The following PLAAT1 variants were observed in gnomAD, a reference collection of about 807,000 sequenced individuals.
The protein encoded by PLAAT1 is phospholipase A and acyltransferase 1, also known as H-REV107 protein-related protein.
PLAAT1 carries 13 observed loss-of-function variants against 16.4 expected under a neutral mutation model. The ratio of observed to expected loss-of-function variants is 0.79; its 90% CI spans 0.52 to 1.26. PLAAT1 has a LOEUF of 1.26. PLAAT1 is among the 50% of genes most tolerant of loss of function. The probability of loss-of-function intolerance (pLI) is 0.00; values close to 1 mark genes in which losing one functional copy is unlikely to be tolerated. For synonymous variants in PLAAT1, 73 were observed against 78.4 expected, an observed-to-expected ratio of 0.93 and a Z score of 0.36; for missense variants, 218 against 207.8, an observed-to-expected ratio of 1.05 and a Z score of -0.30.
rs1716961818 is a variant in PLAAT1, at chr3:193,270,759, C to G, written c.*54C>G. The G allele has an allele frequency of 1.3e-6, 2 of 1,588,060 alleles. No individual in the cohort carries two copies. Among genetic ancestry groups the G allele is most frequent in the Non-Finnish European group, 1.7e-6 (2 of 1,166,124 alleles). ...AGGAATTTGGGAGGAGGAAAAGAAACCTGGGGTGAATACTTATTTTCAGTG... is the reference window on the plus strand; with the variant it reads ...AGGAATTTGGGAGGAGGAAAAGAAAGCTGGGGTGAATACTTATTTTCAGTG... On this transcript the variant is annotated 3_prime_UTR_variant, in exon 4 of 4. Transcript: ENST00000264735.
intron 2 of PLAAT1, chr3:193,276,664 GTGGT>G (rs1717222685): frequency 1.1e-6 from 1 of 919,728 alleles, no homozygotes. Context: ...GGGGATCAAA[GTGGT>G]TGCTCTAGAA....
chr3:193,266,532 T>TA (rs1300730811), intron 3 of PLAAT1, among the ~76,000 whole-genome samples: 2 of 152,122 alleles, frequency 1.3e-5, no homozygotes, highest in Non-Finnish European at 2.9e-5. Context: ...GTGACAGCCT[T>TA]AAGAGTCTAC....
chr3:193,261,149 G>A (rs1577307532), intron 2 of PLAAT1, among the ~76,000 whole-genome samples: 1 of 152,128 alleles, frequency 6.6e-6, no homozygotes, highest in Non-Finnish European at 1.5e-5. Context: ...AGGCAGATCA[G>A]TTGAGGTCAG....
chr3:193,240,830 A>T (rs1002869233), upstream of PLAAT1, among the ~76,000 whole-genome samples: 2 of 152,078 alleles, frequency 1.3e-5, no homozygotes, highest in Non-Finnish European at 2.9e-5. Flanking sequence ...AGGTACCATG[A>T]TTCCTTGGGC....
intron 1 of PLAAT1, among the ~76,000 whole-genome samples, chr3:193,255,035 T>C (rs1182545339): frequency 3.9e-5 from 6 of 152,172 alleles, no homozygotes; most frequent in Non-Finnish European, 7.4e-5. Context: ...GTTTTAGTAC[T>C]CACAAAATAT....
chr3:193,278,458 C>G (rs577336795), downstream of PLAAT1, among the ~76,000 whole-genome samples: 1 of 152,162 alleles, frequency 6.6e-6, no homozygotes, highest in Non-Finnish European at 1.5e-5. Context: ...AGCACATGGC[C>G]TCAGTTTTAG....
At chr3:193,254,699 T>A (rs926835543) in intron 1 of PLAAT1, among the ~76,000 whole-genome samples, 2 of 152,194 alleles carry the variant, frequency 1.3e-5, no homozygotes, top group Non-Finnish European at 2.9e-5. Context: ...CAAGTTGTCC[T>A]GCGTCTGCTG....
Position 193,263,103 on chromosome 3 carries a change from C to T in PLAAT1, c.273C>T (p.Pro91=), listed in dbSNP as rs747246846. Residue 91 remains proline (P), a synonymous_variant, in exon 3 of 4, where the codon CCC becomes CCT. Transcript: ENST00000264735. ...RINNKYDETY[P]PLPVEEIIKR... Reference sequence around the variant, plus strand: ...ACAATAAATACGATGAAACGTACCCCCCTCTCCCTGTGGAAGAAATCATAA... The same window carrying T: ...ACAATAAATACGATGAAACGTACCCTCCTCTCCCTGTGGAAGAAATCATAA... The T allele has an allele frequency of 9.3e-6, 15 of 1,614,022 alleles. No homozygotes were observed. The South Asian group carries it at 1.6e-4, about 18-fold the overall frequency.
chr3:193,253,625 G>A (rs1437679194), intron 1 of PLAAT1, among the ~76,000 whole-genome samples: 5 of 152,090 alleles, frequency 3.3e-5, no homozygotes, highest in African/African-American at 1.2e-4. Context: ...TTTTCAACAT[G>A]AGGAAACAGA....
chr3:193,267,500 A>G (rs971135640), intron 3 of PLAAT1, among the ~76,000 whole-genome samples: 2 of 152,032 alleles, frequency 1.3e-5, no homozygotes, highest in Non-Finnish European at 2.9e-5. Flanking sequence ...ATGTAATAAT[A>G]TGTATTTAAG....
At chr3:193,242,668 ATAGT>A (rs1715817387) in intron 1 of PLAAT1, among the ~76,000 whole-genome samples, 1 of 152,066 alleles carries the variant, frequency 6.6e-6, no homozygotes, top group African/African-American at 2.4e-5. Flanking sequence ...GTGGCAGCGG[ATAGT>A]TAATTTGGCC....
chr3:193,278,010 G>A (rs1226638353), downstream of PLAAT1, among the ~76,000 whole-genome samples: 1 of 152,072 alleles, frequency 6.6e-6, no homozygotes, highest in Non-Finnish European at 1.5e-5. Context: ...TACCATGTTG[G>A]CCAGGCTGGT....
upstream of PLAAT1, chr3:193,241,190 C>T (rs1715718476): frequency 8.2e-7 from 1 of 1,219,866 alleles, no homozygotes; most frequent in Non-Finnish European, 1.0e-6. Flanking sequence ...GACTGTGCCC[C>T]GCCTCCTGGG....
chr3:193,275,035 AT>A, downstream of PLAAT1: 2 of 1,614,008 alleles, frequency 1.2e-6, no homozygotes, highest in Non-Finnish European at 1.7e-6. Context: ...TACGACGACA[AT>A]TCTGATTACA....
intron 2 of PLAAT1, among the ~76,000 whole-genome samples, chr3:193,262,342 T>C (rs1716613900): frequency 3.2e-5 from 1 of 31,080 alleles, no homozygotes; most frequent in Non-Finnish European, 6.1e-5. Context: ...CTTAGGGGGC[T>C]TTTTTTTTTT....
At chr3:193,250,240 T>G (rs2108783216) in intron 1 of PLAAT1, among the ~76,000 whole-genome samples, 1 of 152,234 alleles carries the variant, frequency 6.6e-6, no homozygotes, top group East Asian at 1.9e-4. Flanking sequence ...CCAACCCAAA[T>G]TAAAGTTTCA....
At chr3:193,268,920 C>T (rs570128326) in intron 3 of PLAAT1, among the ~76,000 whole-genome samples, 8 of 152,122 alleles carry the variant, frequency 5.3e-5, no homozygotes, top group Non-Finnish European at 1.2e-4. Flanking sequence ...TTCCAAGGGC[C>T]GTACCCTGCT....
At chr3:193,279,667 G>A (rs1221088970), downstream of PLAAT1, among the ~76,000 whole-genome samples, 1 of 152,150 alleles carries the variant, frequency 6.6e-6, no homozygotes, top group East Asian at 1.9e-4. Flanking sequence ...TGTAGAGACT[G>A]TTAATCAAAT....
exon 3 of PLAAT1, chr3:193,277,704 T>C (rs1717287891): frequency 6.6e-6 from 1 of 152,248 alleles, no homozygotes; most frequent in Non-Finnish European, 1.5e-5. Flanking sequence ...TAAAGGGTTG[T>C]TTGGAAAAGC....
Sources: gnomAD v4.1 joint callset for allele counts (sites outside exome capture counted in the v4.1 genomes callset) on GRCh38, gnomAD v4.1.1 for gene constraint, MANE v1.5 for transcripts, NCBI Gene and HGNC (gene_info 2026-07-23, HGNC 2026-07-21) for gene names.